The following EPPK1 variants were observed in gnomAD, a reference collection of about 807,000 sequenced individuals.
EPPK1 encodes epiplakin 1, also known as epiplakin.
For missense variants in EPPK1, 3,823 were observed against 3,673.3 expected (o/e 1.04, Z -1.05); for synonymous variants, 1,862 against 1,721.2 (o/e 1.08, Z -2.03).
At chr8:143,875,469 G>C (rs1190747880) in intron 1 of EPPK1, among the ~76,000 whole-genome samples, 5 of 152,254 alleles carry the variant, frequency 3.3e-5, no homozygotes, top group African/African-American at 2.4e-5. Flanking sequence ...CTCACTGGCC[G>C]AGTGCAGAGA....
chr8:143,872,027 G>C lies in EPPK1; in HGVS notation c.1227C>G (p.Arg409=). 2 of 1,562,042 alleles carry C rather than the reference G, an allele frequency of 1.3e-6. No individual in the cohort carries two copies. The highest frequency in any genetic ancestry group is 8.7e-7 in the Non-Finnish European group (1 of 1,155,384). Residue 409 remains arginine, a synonymous_variant, in exon 2 of 2, where the codon CGC becomes CGG. Coordinates refer to ENST00000615648, the MANE Select transcript of EPPK1 (RefSeq NM_031308.4). ...CGGCCTCCAGGGGCAGCCGGAGCCT[G>C]CGTGCTGGACAGACCAGCCCGCCTG... The part of the protein sequence containing the change: ...LATGGLVCPA[R]RLRLPLEAAL...
Position 143,868,955 on chromosome 8 carries a change from T to C in EPPK1, c.4299A>G (p.Pro1433=), listed in dbSNP as rs1819238076. The change falls in exon 2 of 2, where the codon CCA becomes CCG. Residue 1433 remains proline, a synonymous_variant. Coordinates refer to ENST00000615648, the MANE Select transcript of EPPK1 (RefSeq NM_031308.4). ...CDSETGLLLL[P]LPSDTVLEVD... is the part of the protein sequence containing the mutation. Reference sequence around the variant, plus strand: ...CCTCAAGCACTGTGTCTGAGGGCAGTGGCAACAGCAACAATCCGGTCTCGG... The same window carrying C: ...CCTCAAGCACTGTGTCTGAGGGCAGCGGCAACAGCAACAATCCGGTCTCGG... The C allele has an allele frequency of 1.2e-6, 2 of 1,610,702 alleles. No individual in the cohort carries two copies. Among genetic ancestry groups the C allele is most frequent in the South Asian group, 1.1e-5 (1 of 91,074 alleles).
intron 1 of EPPK1, among the ~76,000 whole-genome samples, chr8:143,874,723 C>A (rs1434101051): frequency 6.6e-6 from 1 of 152,138 alleles, no homozygotes; most frequent in Non-Finnish European, 1.5e-5. Flanking sequence ...GGGTCTGCTC[C>A]CCGTTTTCTC....
rs1819374195 is a variant in EPPK1 at position 143,872,126 on chromosome 8, G to A, written c.1128C>T (p.Pro376=). The A allele has an allele frequency of 1.9e-6, 3 of 1,566,026 alleles. No individual in the cohort carries two copies. The highest frequency in any genetic ancestry group is 1.9e-5 in the Admixed American group (1 of 51,546). Residue 376 remains proline, a synonymous_variant, in exon 2 of 2, where the codon CCC becomes CCT. Transcript: ENST00000615648. ...GCCCCTTCTTCATGGCCTGGAAAAG[G>A]GGGATTTGGGAGCCACTGAAGGGGT... is the stretch of plus-strand genomic sequence containing the variant. The part of the protein sequence containing the change: ...HHDPFSGSQI[P]LFQAMKKGLV...
In EPPK1 at chr8:143,866,057, C is replaced by A; in HGVS notation, c.7197G>T (p.Gln2399His). 5 of 206,874 alleles carry A rather than the reference C, an allele frequency of 2.4e-5. No individual in the cohort carries two copies. The highest frequency in any genetic ancestry group is 4.0e-5 in the Non-Finnish European group (5 of 123,846). 12.8% of individuals were successfully genotyped at this position (206,874 alleles called of 1,614,324 possible). A position where few individuals can be genotyped will look rare whatever the true frequency, so the allele number is the denominator to read the frequency against. The part of the protein sequence containing the change: ...PNTHENLTYV[Q>H]LLRRCVPDPD... The stretch of plus-strand genomic sequence containing the variant: ...GGTCGGGCACGCAGCGGCGCAGCAG[C>A]TGCACGTACGTGAGGTTCTCGTGCG... Residue 2399 changes from glutamine to histidine, a missense_variant, in exon 2 of 2, where the codon CAG (glutamine) becomes CAT (histidine). Coordinates refer to ENST00000615648, the MANE Select transcript of EPPK1 (RefSeq NM_031308.4).
In EPPK1 at chr8:143,873,215, G is replaced by A. The variant is rs373306970; in HGVS notation, c.39C>T (p.Gly13=). 7.4e-5 allele frequency: 117 copies of A among 1,580,556 alleles called. No individual in the cohort carries two copies. Among genetic ancestry groups the A allele is most frequent in the Non-Finnish European group, 1.1e-5 (13 of 1,168,734 alleles). ...GHTLPPLPVP[G]TNSTEQASVP... is the part of the protein sequence containing the mutation. Reference sequence around the variant, plus strand: ...CACTGGCCTGCTCTGTGCTGTTGGTGCCTGGGACGGGAAGAGGAGGCAAGG... The same window carrying A: ...CACTGGCCTGCTCTGTGCTGTTGGTACCTGGGACGGGAAGAGGAGGCAAGG... The change falls in exon 2 of 2, where the codon GGC becomes GGT. Residue 13 remains glycine (G), a synonymous_variant. Transcript: ENST00000615648.
chr8:143,867,000 A>G lies in EPPK1; in HGVS notation c.6254T>C (p.Val2085Ala), dbSNP rs1554659265. 7 of 1,612,176 alleles carry G rather than the reference A, an allele frequency of 4.3e-6. No individual in the cohort carries two copies. The South Asian group carries it at 7.7e-5, about 18-fold the overall frequency. The change falls in exon 2 of 2, where the codon GTG (valine) becomes GCG (alanine). Residue 2085 changes from valine to alanine, a missense_variant. Val to Ala is a moderately conservative substitution (Grantham distance 64). Coordinates refer to ENST00000615648, the MANE Select transcript of EPPK1 (RefSeq NM_031308.4). ...CTCGGAGTCCCGTGCAGCCTTGTTC[A>G]CTGGGAACAGCAGCCAGCCCGTGTC... ...QEDTGWLLFP[V>A]NKAARDSEHI...
chr8:143,866,542 C>T lies in EPPK1; in HGVS notation c.6712G>A (p.Gly2238Ser), dbSNP rs1382474534. 6.8e-5 allele frequency: 108 copies of T among 1,593,182 alleles called. No homozygotes were observed. In the East Asian group the frequency reaches 6.9e-4, roughly 10 times the overall value. ...GVLVPAKDQP[G>S]RQEKMSIYQA... Reference sequence around the variant, plus strand: ...TAGATGCTCATCTTCTCCTGGCGGCCGGGCTGGTCCTTGGCGGGCACCAGG... The same window carrying T: ...TAGATGCTCATCTTCTCCTGGCGGCTGGGCTGGTCCTTGGCGGGCACCAGG... The change falls in exon 2 of 2, where the codon GGC becomes AGC. Residue 2238 changes from glycine (G) to serine (S), a missense_variant. Transcript: ENST00000615648.
intron 1 of EPPK1, among the ~76,000 whole-genome samples, chr8:143,875,280 T>C (rs1819457799): frequency 6.6e-6 from 1 of 152,268 alleles, no homozygotes; most frequent in Middle Eastern, 3.4e-3. Flanking sequence ...TCGAGGCTCG[T>C]AGATGCCCCT....
chr8:143,878,883 C>T (rs1476228582), upstream of EPPK1, among the ~76,000 whole-genome samples: 3 of 152,104 alleles, frequency 2.0e-5, no homozygotes, highest in Non-Finnish European at 4.4e-5. Context: ...TGCTTCACGT[C>T]GTGTGTCTGC....
In EPPK1 at chr8:143,858,034, G is replaced by C. The variant is rs782666357; in HGVS notation, c.15220C>G (p.Leu5074Val). 3.1e-6 allele frequency: 5 copies of C among 1,613,084 alleles called. No homozygotes were observed. The highest frequency in any genetic ancestry group is 2.7e-5 in the African/African-American group (2 of 75,060). Residue 5074 changes from leucine (L) to valine (V), a missense_variant, in exon 2 of 2, where the codon CTG becomes GTG. Leu to Val is a conservative substitution (Grantham distance 32, BLOSUM62 1). Transcript: ENST00000615648. ...AATAGGAGCCCCGTCTCAGGGTCCA[G>C]GGTGGCCCTCTGCAGAAGCTGCAGG... ...TYLQLLQRAT[L>V]DPETGLLFLS... is the part of the protein sequence containing the mutation.
In EPPK1 at chr8:143,876,007, C is replaced by T. The variant is rs140274810; in HGVS notation, c.-46+2431G>A. ...GCTCCTCGACCCCACAGCTCTGGGG[C>T]GGGTGGGCTTAGATGTCCTGGTCCC... On this transcript the variant is annotated intron_variant, in intron 1 of 1. Coordinates refer to ENST00000615648, the MANE Select transcript of EPPK1 (RefSeq NM_031308.4). Among the ~76,000 whole-genome samples the T allele has an allele frequency of 8.2e-4, 125 of 151,812 alleles. 1 individual carries two copies. The highest frequency in any genetic ancestry group is 4.3e-4 in the Non-Finnish European group (29 of 67,894).
Position 143,866,603 on chromosome 8 carries a change from C to G in EPPK1, c.6651G>C (p.Lys2217Asn). The part of the protein sequence containing the change: ...TQELMEDDRV[K>N]RYLEGTSCIA... ...TGCAGCTGGTGCCCTCCAGGTAGCG[C>G]TTGACGCGGTCGTCCTCCATGAGCT... The change falls in exon 2 of 2, where the codon AAG becomes AAC. Residue 2217 changes from lysine to asparagine, a missense_variant. Coordinates refer to ENST00000615648, the MANE Select transcript of EPPK1 (RefSeq NM_031308.4). 1 of 1,612,780 alleles carries G rather than the reference C, an allele frequency of 6.2e-7. No homozygotes were observed.
chr8:143,868,850 T>A lies in EPPK1; in HGVS notation c.4404A>T (p.Ser1468=). 2 of 1,608,456 alleles carry A rather than the reference T, an allele frequency of 1.2e-6. No homozygotes were observed. Among genetic ancestry groups the A allele is most frequent in the East Asian group, 2.2e-5 (1 of 44,848 alleles). The stretch of plus-strand genomic sequence containing the variant: ...ATTCGGAGAGCAGCAGGTCCCAGAG[T>A]GACACGCTACACCCCTTAAACCTCC... The part of the protein sequence containing the change: ...STGRFKGCSV[S]LWDLLLSEYV... Residue 1468 remains serine (S), a synonymous_variant, in exon 2 of 2, where the codon TCA becomes TCT. Coordinates refer to ENST00000615648, the MANE Select transcript of EPPK1 (RefSeq NM_031308.4).
rs1374271896 is a variant in EPPK1 at position 143,857,836 on chromosome 8, G to A, written c.*151C>T. 10 of 590,830 alleles carry A rather than the reference G, an allele frequency of 1.7e-5. No individual in the cohort carries two copies. In the East Asian group the frequency reaches 1.9e-4, roughly 11 times the overall value. 36.6% of individuals were successfully genotyped at this position (590,830 alleles called of 1,614,324 possible). A position where few individuals can be genotyped will look rare whatever the true frequency, so the allele number is the denominator to read the frequency against. On this transcript the variant is annotated 3_prime_UTR_variant, in exon 2 of 2. Coordinates refer to ENST00000615648, the MANE Select transcript of EPPK1 (RefSeq NM_031308.4). ...GACAAAGGAAAAGTTTCTGTCACAT[G>A]ACAACTTAAAACGTTTTCCACAGAT...
chr8:143,870,557 G>A lies in EPPK1; in HGVS notation c.2697C>T (p.Asp899=). 1 of 1,611,850 alleles carries A rather than the reference G, an allele frequency of 6.2e-7. No individual in the cohort carries two copies. The highest frequency in any genetic ancestry group is 8.5e-7 in the Non-Finnish European group (1 of 1,179,532). ...CCAGCACTTGGTCCAACAGCTGCTG[G>A]TCAATGATACCGGCCTCCAGGAGCT... ...VHQLLEAGII[D]QQLLDQVLAG... Residue 899 remains aspartate (D), a synonymous_variant, in exon 2 of 2, where the codon GAC becomes GAT. Transcript: ENST00000615648. The surrounding 1 kb of genome is among the most constrained non-coding windows in gnomAD (Gnocchi z 5.2).
At chr8:143,873,399 T>G in intron 1 of EPPK1, 101 bp from the exon 2 acceptor site, 1 of 835,526 alleles carries the variant, frequency 1.2e-6, no homozygotes, top group Non-Finnish European at 1.7e-6. Context: ...CGGGCTGGGC[T>G]CCACCCACAG....
At position 143,872,088 on chromosome 8, in the gene EPPK1, G is replaced by A. The variant is rs1554661431; in HGVS notation, c.1166C>T (p.Pro389Leu). Residue 389 changes from proline (P) to leucine (L), a missense_variant, in exon 2 of 2, where the codon CCA (proline) becomes CTA (leucine). Transcript: ENST00000615648. ...QAMKKGLVDR[P>L]LALRLLDAQL... ...GGCATCCAAGAGCCGCAGTGCCAGT[G>A]GCCTGTCCACTAGCCCCTTCTTCAT... 1 of 1,562,394 alleles carries A rather than the reference G, an allele frequency of 6.4e-7. No individual in the cohort carries two copies. Among genetic ancestry groups the A allele is most frequent in the South Asian group, 1.2e-5 (1 of 85,968 alleles).
Position 143,870,696 on chromosome 8 carries a change from C to T in EPPK1, c.2558G>A (p.Arg853His), listed in dbSNP as rs182198840. The T allele has an allele frequency of 9.9e-4, 1,599 of 1,609,862 alleles. 15 individuals are homozygous for T. The African/African-American group carries it at 0.014, about 14-fold the overall frequency. Residue 853 changes from arginine (R) to histidine (H), a missense_variant, in exon 2 of 2, where the codon CGC (arginine) becomes CAC (histidine). Coordinates refer to ENST00000615648, the MANE Select transcript of EPPK1 (RefSeq NM_031308.4). This position sits in a 1 kb window ranked among gnomAD's most constrained non-coding sequence, Gnocchi z 5.2. ...SEGRRRQLLR[R>H]YRQREVTLGQ... ...CAGCGTGACCTCGCGCTGCCGGTAG[C>T]GACGCAGCAGCTGCCTCCTGCGGCC...
Sources: allele counts gnomAD v4.1 joint callset (sites outside exome capture counted in the v4.1 genomes callset), GRCh38; gene constraint gnomAD v4.1.1; non-coding constraint Gnocchi (gnomAD v3.1); transcripts MANE v1.5; gene names NCBI Gene and HGNC (gene_info 2026-07-23, HGNC 2026-07-21).